The following IGF2BP2 variants were observed in gnomAD, a reference collection of about 807,000 sequenced individuals.
IGF2BP2 encodes the protein insulin-like growth factor 2 mRNA-binding protein 2.
Under a neutral mutation model 75.8 loss-of-function variants are expected in IGF2BP2, and 17 were observed. The ratio of observed to expected loss-of-function variants is 0.22; its 90% CI spans 0.15 to 0.34. IGF2BP2 has a LOEUF of 0.34. IGF2BP2 is among the 10% of genes least tolerant of loss of function. The pLI, the probability that IGF2BP2 is intolerant of heterozygous loss-of-function variation, is 1.00. For synonymous variants in IGF2BP2, 288 were observed against 295.6 expected (o/e 0.97, Z 0.26); for missense variants, 516 against 772.4 (o/e 0.67, Z 3.93).
At chr3:185,714,852 CT>C (rs1725356402) in intron 2 of IGF2BP2, among the ~76,000 whole-genome samples, 2 of 152,200 alleles carry the variant, frequency 1.3e-5, no homozygotes, top group African/African-American at 4.8e-5. Context: ...TTCTTCCTTG[CT>C]TTTTCTCAGT....
chr3:185,676,965 C>CATATGGAGATACATAT (rs1331184163), intron 7 of IGF2BP2, among the ~76,000 whole-genome samples: 1 of 125,974 alleles, frequency 7.9e-6, no homozygotes, highest in African/African-American at 3.0e-5. Context: ...GATATATATA[C>CATATGGAGATACATAT]ATATGGAGAT....
At chr3:185,768,539 A>G in intron 2 of IGF2BP2, among the ~76,000 whole-genome samples, 1 of 152,320 alleles carries the variant, frequency 6.6e-6, no homozygotes. Flanking sequence ...TATTTAAATT[A>G]TATTTTGAAT....
Position 185,689,540 on chromosome 3 carries a change from C to A in IGF2BP2, c.492G>T (p.Ser164=), listed in dbSNP as rs764251986. ...CCCCACGCTGGGCTCGCTGAGGGGG[C>A]GAAGGGGAGCTCACCTCTTCATCCG... ...YIPDEEVSSP[S]PPQRAQRGDH... The change falls in exon 6 of 16, where the codon TCG becomes TCT. Residue 164 remains serine (S), a synonymous_variant. Transcript: ENST00000382199. 8.1e-6 allele frequency: 13 copies of A among 1,614,052 alleles called. No individual in the cohort carries two copies. Among genetic ancestry groups the A allele is most frequent in the Non-Finnish European group, 1.1e-5 (13 of 1,180,030 alleles).
At chr3:185,716,535 C>T (rs1725652489) in intron 2 of IGF2BP2, 1 of 519,988 alleles carries the variant, frequency 1.9e-6, no homozygotes. Flanking sequence ...ATCCTGTAGC[C>T]CTCCTCAGAT....
At chr3:185,677,091 A>C (rs1719663557) in intron 7 of IGF2BP2, among the ~76,000 whole-genome samples, 1 of 135,816 alleles carries the variant, frequency 7.4e-6, no homozygotes, top group African/African-American at 2.8e-5. Context: ...AGAGAGAGAG[A>C]GAGAGAGAGA....
At chr3:185,655,691 G>A (rs191798932) in intron 12 of IGF2BP2, among the ~76,000 whole-genome samples, 2 of 152,358 alleles carry the variant, frequency 1.3e-5, no homozygotes, top group Admixed American at 1.3e-4. Flanking sequence ...GGGACTGTGG[G>A]ATGCAGCCCA....
intron 2 of IGF2BP2, among the ~76,000 whole-genome samples, chr3:185,739,186 T>C (rs567998245): frequency 6.6e-6 from 1 of 152,286 alleles, no homozygotes; most frequent in African/African-American, 2.4e-5. Context: ...AACGGTGGAC[T>C]TAAAACAAAA....
At chr3:185,752,598 T>C (rs1731104333) in intron 2 of IGF2BP2, among the ~76,000 whole-genome samples, 1 of 152,102 alleles carries the variant, frequency 6.6e-6, no homozygotes, top group South Asian at 2.1e-4. Context: ...TTTTAAACTT[T>C]TTTTTTTTGG....
In IGF2BP2 at chr3:185,648,552, C is replaced by T. The variant is rs191005363; in HGVS notation, c.1593+851G>A. ...ACACACTCAGGACTCAAGAGACCCC[C>T]GCCTCCCCGCCAAGTTCCTGCCACC... is the stretch of plus-strand genomic sequence containing the variant. On this transcript the variant is annotated intron_variant, in intron 14 of 15. Transcript: ENST00000382199. 6.7e-4 allele frequency among the ~76,000 whole-genome samples: 102 copies of T among 152,066 alleles called. No homozygotes were observed. In the East Asian group the frequency reaches 0.016, roughly 24 times the overall value.
intron 2 of IGF2BP2, among the ~76,000 whole-genome samples, chr3:185,701,215 C>T (rs905855771): frequency 6.6e-6 from 1 of 151,888 alleles, no homozygotes; most frequent in African/African-American, 2.4e-5. Flanking sequence ...AAGGCATGAG[C>T]CACCATGCCC....
intron 2 of IGF2BP2, among the ~76,000 whole-genome samples, chr3:185,706,731 G>A (rs1032678385): frequency 2.8e-4 from 42 of 151,518 alleles, no homozygotes; most frequent in Non-Finnish European, 4.6e-4. Flanking sequence ...AGATTTCTCA[G>A]AGATTCCTTC....
chr3:185,797,559 A>G (rs1737593684), intron 2 of IGF2BP2, among the ~76,000 whole-genome samples: 1 of 152,182 alleles, frequency 6.6e-6, no homozygotes, highest in Non-Finnish European at 1.5e-5. Context: ...TGACAGGCAG[A>G]GCTTTGAAGA....
intron 2 of IGF2BP2, among the ~76,000 whole-genome samples, chr3:185,809,497 G>A (rs545024780): frequency 4.6e-4 from 70 of 152,266 alleles, no homozygotes; most frequent in African/African-American, 1.7e-3. Context: ...GGGTACAGTG[G>A]CTCATGCCTG....
chr3:185,712,733 A>G (rs567100833), intron 2 of IGF2BP2: 66 of 152,292 alleles, frequency 4.3e-4, no homozygotes, highest in African/African-American at 1.6e-3. Context: ...TTTGGAAAAA[A>G]AAAAACAATA....
At chr3:185,665,698 G>A (rs769383263) in intron 10 of IGF2BP2, among the ~76,000 whole-genome samples, 6 of 152,100 alleles carry the variant, frequency 3.9e-5, no homozygotes, top group East Asian at 1.9e-4. Context: ...TGGGCACGGC[G>A]GCTCACACCT....
chr3:185,657,304 G>A lies in IGF2BP2; in HGVS notation c.1368C>T (p.Phe456=), dbSNP rs199697480. 227 of 1,613,460 alleles carry A rather than the reference G, an allele frequency of 1.4e-4. No individual in the cohort carries two copies. The highest frequency in any genetic ancestry group is 5.0e-4 in the Middle Eastern group (3 of 5,946). ...KGAHIKQLAR[F]AGASIKIAPA... ...GCCTCACCTTGATAGAGGCTCCGGC[G>A]AATCTCGCCAGCTGTTTGATGTGTG... Residue 456 remains phenylalanine, a synonymous_variant, in exon 12 of 16, where the codon TTC becomes TTT. Coordinates refer to ENST00000382199, the MANE Select transcript of IGF2BP2 (RefSeq NM_006548.6).
intron 2 of IGF2BP2, among the ~76,000 whole-genome samples, chr3:185,714,636 T>G (rs1220455874): frequency 6.6e-6 from 1 of 152,002 alleles, no homozygotes; most frequent in Non-Finnish European, 1.5e-5. Flanking sequence ...CAAATGAGGG[T>G]GATCATTTTT....
rs1222320673 is a variant in IGF2BP2 at position 185,665,554 on chromosome 3, GAGGAGA to G, written c.1200+6981_1200+6986del. On this transcript the variant is annotated intron_variant, in intron 10 of 15. Coordinates refer to ENST00000382199, the MANE Select transcript of IGF2BP2 (RefSeq NM_006548.6). Reference sequence around the variant, plus strand: ...GGAGAAGGAGGAGGAGGAGAAGGAGGAGGAGAAGGAGAAGGAGAAGAAGGAGAAAAG... The same window carrying G: ...GGAGAAGGAGGAGGAGGAGAAGGAGGAGGAGAAGGAGAAGAAGGAGAAAAG... Among the ~76,000 whole-genome samples the G allele has an allele frequency of 2.1e-4, 31 of 146,152 alleles. No individual in the cohort carries two copies. The East Asian group carries it at 2.2e-3, about 10-fold the overall frequency.
chr3:185,662,506 A>G (rs1197501581), intron 10 of IGF2BP2, among the ~76,000 whole-genome samples: 1 of 146,156 alleles, frequency 6.8e-6, no homozygotes, highest in Non-Finnish European at 1.5e-5. Context: ...AAAAAAAAAA[A>G]GTGTCTTATC....
Sources: gnomAD v4.1 joint callset for allele counts (sites outside exome capture counted in the v4.1 genomes callset) on GRCh38, gnomAD v4.1.1 for gene constraint, MANE v1.5 for transcripts, NCBI Gene and HGNC (gene_info 2026-07-23, HGNC 2026-07-21) for gene names.